PCM1: variants seen among roughly 807,000 people sequenced by gnomAD.
The protein encoded by PCM1 is pericentriolar material 1 protein.
Under a neutral mutation model 241.9 loss-of-function variants are expected in PCM1, and 157 were observed. The ratio of observed to expected loss-of-function variants is 0.65; its 90% CI spans 0.57 to 0.74. The LOEUF is 0.74. Among genes scored for constraint, PCM1 ranks in the 30% least tolerant of loss-of-function variants. PCM1 has a pLI of 0.00. For synonymous variants in PCM1, 1,085 were observed against 784.9 expected (o/e 1.38, Z -6.39); for missense variants, 3,478 against 2,360.1 (o/e 1.47, Z -9.81).
intron 36 of PCM1, among the ~76,000 whole-genome samples, chr8:18,022,821 G>T (rs955287366): frequency 6.6e-6 from 1 of 152,072 alleles, no homozygotes; most frequent in East Asian, 1.9e-4. Flanking sequence ...AGTAGAGAAC[G>T]GACTGAAACT....
intron 29 of PCM1, among the ~76,000 whole-genome samples, chr8:17,995,130 T>C (rs1472531894): frequency 6.6e-6 from 1 of 151,442 alleles, no homozygotes; most frequent in Admixed American, 6.6e-5. Context: ...GTTTCCCCAC[T>C]GTTTTCATAT....
chr8:17,977,998 C>A (rs889206279), intron 23 of PCM1, among the ~76,000 whole-genome samples: 1 of 151,884 alleles, frequency 6.6e-6, no homozygotes, highest in African/African-American at 2.4e-5. Flanking sequence ...AGAGGCAAAA[C>A]CTAGTGAAAA....
In PCM1 at chr8:18,014,673, C is replaced by T. The variant is rs781450654; in HGVS notation, c.5674C>T (p.Pro1892Ser). The T allele has an allele frequency of 5.0e-6, 8 of 1,613,554 alleles. No individual in the cohort carries two copies. The highest frequency in any genetic ancestry group is 2.2e-5 in the East Asian group (1 of 44,856). Residue 1892 changes from proline (P) to serine (S), a missense_variant, in exon 36 of 39, where the codon CCT (proline) becomes TCT (serine). Coordinates refer to ENST00000325083, the MANE Select transcript of PCM1 (RefSeq NM_006197.4). Reference protein sequence around the residue: ...PLNSAAHKESPPTVDSTQQPN... With the variant: ...PLNSAAHKESSPTVDSTQQPN... Reference sequence around the variant, plus strand: ...AAATAGTGCTGCCCATAAGGAGTCACCTCCTACTGTTGATTCAACTCAACA... The same window carrying T: ...AAATAGTGCTGCCCATAAGGAGTCATCTCCTACTGTTGATTCAACTCAACA...
At chr8:17,963,984 T>C (rs149733348) in intron 17 of PCM1, among the ~76,000 whole-genome samples, 1 of 152,338 alleles carries the variant, frequency 6.6e-6, no homozygotes, top group African/African-American at 2.4e-5. Flanking sequence ...TATTTTATTC[T>C]GTTCTGGGTA....
At chr8:18,008,436 A>T (rs192340907) in intron 30 of PCM1, among the ~76,000 whole-genome samples, 1 of 152,130 alleles carries the variant, frequency 6.6e-6, no homozygotes, top group East Asian at 1.9e-4. Context: ...ATTTCACTAT[A>T]TGTTACAGTG....
At chr8:18,008,471 G>T (rs1031416985) in intron 30 of PCM1, among the ~76,000 whole-genome samples, 1 of 152,094 alleles carries the variant, frequency 6.6e-6, no homozygotes, top group Non-Finnish European at 1.5e-5. Flanking sequence ...GTCAGTCAAT[G>T]TAATGTGCTT....
chr8:17,957,362 G>A lies in PCM1; in HGVS notation c.1745G>A (p.Cys582Tyr). Residue 582 changes from cysteine (C) to tyrosine (Y), a missense_variant, in exon 12 of 39, where the codon TGT becomes TAT. Transcript: ENST00000325083. ...NRDGRTVNSN[C>Y]EINNRSAANI... ...GATGGGCGAACAGTTAATTCTAATT[G>A]TGAAATTAACAACAGATCTGCTGCC... The A allele has an allele frequency of 6.2e-7, 1 of 1,611,476 alleles. No individual in the cohort carries two copies. The highest frequency in any genetic ancestry group is 2.2e-5 in the East Asian group (1 of 44,856).
chr8:17,963,423 C>T, intron 17 of PCM1, 132 bp downstream of exon 17: 1 of 594,410 alleles, frequency 1.7e-6, no homozygotes, highest in South Asian at 2.6e-5. Flanking sequence ...TGTTTAACTA[C>T]CACCTTTGTG....
chr8:17,970,029 A>G (rs1053114943), intron 22 of PCM1, among the ~76,000 whole-genome samples: 3 of 152,176 alleles, frequency 2.0e-5, no homozygotes, highest in Non-Finnish European at 1.5e-5. Context: ...TTGCTGTTCA[A>G]TGACTTAGGG....
chr8:17,991,594 G>A lies in PCM1; in HGVS notation c.4584G>A (p.Glu1528=). 1.3e-6 allele frequency: 2 copies of A among 1,598,624 alleles called. No homozygotes were observed. Among genetic ancestry groups the A allele is most frequent in the Non-Finnish European group, 8.5e-7 (1 of 1,171,856 alleles). Residue 1528 remains glutamate (E), a synonymous_variant, in exon 28 of 39, where the codon GAG becomes GAA. Transcript: ENST00000325083. ...CATTAGCCAGAATGAGAGAATATGA[G>A]CGTATGAAGACTGAGGCTGAAAGTA... ...DQALARMREY[E]RMKTEAESNS...
At chr8:18,022,888 T>C (rs930853213) in intron 36 of PCM1, among the ~76,000 whole-genome samples, 3 of 152,238 alleles carry the variant, frequency 2.0e-5, no homozygotes, top group Non-Finnish European at 2.9e-5. Flanking sequence ...AGTTTCACTG[T>C]ATACAATAGG....
chr8:17,946,725 A>T (rs2063902936), intron 6 of PCM1, among the ~76,000 whole-genome samples: 1 of 151,740 alleles, frequency 6.6e-6, no homozygotes, highest in South Asian at 2.1e-4. Flanking sequence ...CAAACTCCTG[A>T]CCTTGTGATC....
At chr8:18,001,643 T>G (rs939176565) in intron 29 of PCM1, among the ~76,000 whole-genome samples, 2 of 152,256 alleles carry the variant, frequency 1.3e-5, no homozygotes, top group Non-Finnish European at 2.9e-5. Flanking sequence ...TTTCTTTTCA[T>G]CTAGATATGG....
intron 24 of PCM1, among the ~76,000 whole-genome samples, chr8:17,984,342 A>G (rs1228914630): frequency 6.6e-6 from 1 of 152,030 alleles, no homozygotes; most frequent in Non-Finnish European, 1.5e-5. Context: ...GAGATTGCTT[A>G]CAGAGATAAT....
At chr8:18,009,992 A>G (rs1380011555) in intron 31 of PCM1, among the ~76,000 whole-genome samples, 1 of 152,204 alleles carries the variant, frequency 6.6e-6, no homozygotes, top group Non-Finnish European at 1.5e-5. Flanking sequence ...ACCAGTTCAC[A>G]TTATTGTCCT....
chr8:17,935,671 A>C lies in PCM1; in HGVS notation c.61A>C (p.Ser21Arg). 6.5e-7 allele frequency: 1 copy of C among 1,540,648 alleles called. No individual in the cohort carries two copies. Among genetic ancestry groups the C allele is most frequent in the Non-Finnish European group, 9.0e-7 (1 of 1,113,338 alleles). Reference sequence around the variant, plus strand: ...GAATGATCAGGATTTACCAAACTGGAGTAATGAGAATGTTGATGACAGGCT... The same window carrying C: ...GAATGATCAGGATTTACCAAACTGGCGTAATGAGAATGTTGATGACAGGCT... Reference protein sequence around the residue: ...GMNDQDLPNWSNENVDDRLNN... With the variant: ...GMNDQDLPNWRNENVDDRLNN... Residue 21 changes from serine (S) to arginine (R), a missense_variant, in exon 3 of 39, where the codon AGT (serine) becomes CGT (arginine). Coordinates refer to ENST00000325083, the MANE Select transcript of PCM1 (RefSeq NM_006197.4).
chr8:18,029,793 G>A lies in PCM1; in HGVS notation c.*2131G>A, dbSNP rs1233341086. ...TTTTGGTTACAGATAGATAGAGGGA[G>A]AAAAGTTCAAAATGAGTGAGAGAGA... On this transcript the variant is annotated 3_prime_UTR_variant, in exon 39 of 39. Transcript: ENST00000325083. 5.1e-6 allele frequency: 1 copy of A among 196,276 alleles called. No homozygotes were observed. Among genetic ancestry groups the A allele is most frequent in the Non-Finnish European group, 1.1e-5 (1 of 94,626 alleles). 12.2% of individuals were successfully genotyped at this position (196,276 alleles called of 1,614,324 possible).
intron 24 of PCM1, among the ~76,000 whole-genome samples, chr8:17,983,527 A>G (rs975413444): frequency 3.3e-5 from 5 of 152,190 alleles, no homozygotes; most frequent in African/African-American, 1.2e-4. Context: ...TAACACATTC[A>G]TAAGGGTAAC....
chr8:17,968,762 G>GTATATATATA (rs1554688770), intron 21 of PCM1, among the ~76,000 whole-genome samples: 1 of 136,734 alleles, frequency 7.3e-6, no homozygotes, highest in African/African-American at 2.8e-5. Flanking sequence ...GTGTGTGTGT[G>GTATATATATA]TATATATATA....
Sources: gnomAD v4.1 joint callset for allele counts (sites outside exome capture counted in the v4.1 genomes callset) on GRCh38, gnomAD v4.1.1 for gene constraint, MANE v1.5 for transcripts, NCBI Gene and HGNC (gene_info 2026-07-23, HGNC 2026-07-21) for gene names.